Variants in MCF2L2 observed in about 807,000 individuals in gnomAD.
The protein encoded by MCF2L2 is probable guanine nucleotide exchange factor MCF2L2.
In MCF2L2, 102 loss-of-function variants were observed where a neutral mutation model predicts 150.2. The observed-to-expected ratio is 0.68, with a 90% CI of 0.58 to 0.80. The LOEUF (loss-of-function observed/expected upper bound fraction) is 0.80, where lower values mean the gene tolerates loss of function less well. Ranked by LOEUF, MCF2L2 falls within the 30% of genes least tolerant of loss-of-function variation. The pLI is 0.00. For synonymous variants in MCF2L2, 465 were observed against 491.3 expected, an observed-to-expected ratio of 0.95 and a Z score of 0.71; for missense variants, 1,256 against 1,372.8, an observed-to-expected ratio of 0.91 and a Z score of 1.34.
chr3:183,369,522 G>T (rs1228262826), intron 3 of MCF2L2, among the ~76,000 whole-genome samples: 1 of 152,124 alleles, frequency 6.6e-6, no homozygotes, highest in East Asian at 1.9e-4. Flanking sequence ...AAGCTCAATT[G>T]TGTGTGTGCA....
At chr3:183,289,810 T>G (rs1728019075) in intron 13 of MCF2L2, among the ~76,000 whole-genome samples, 1 of 152,192 alleles carries the variant, frequency 6.6e-6, no homozygotes, top group Middle Eastern at 3.2e-3. Flanking sequence ...GAGCTGAGAT[T>G]GCGCCACTGC....
intron 21 of MCF2L2, among the ~76,000 whole-genome samples, chr3:183,217,017 G>A (rs961845411): frequency 6.6e-5 from 10 of 151,546 alleles, no homozygotes; most frequent in Admixed American, 2.0e-4. Context: ...CCATATGGCC[G>A]GGCGGGTGGC....
At position 183,179,318 on chromosome 3, in the gene MCF2L2, C is replaced by G; in HGVS notation, c.*62G>C. ...TAGCTGGGCAGGGCCCGGGCCCCCA[C>G]ACCGCCTCTCCCGGGAATGCGGGCG... is the stretch of plus-strand genomic sequence containing the variant. On this transcript the variant is annotated 3_prime_UTR_variant, in exon 30 of 30. Coordinates refer to ENST00000328913, the MANE Select transcript of MCF2L2 (RefSeq NM_015078.4). The surrounding 1 kb of genome is among the most constrained non-coding windows in gnomAD (Gnocchi z 4.2). 1.4e-6 allele frequency: 2 copies of G among 1,383,776 alleles called. No individual in the cohort carries two copies. The allele number at this position is 1,383,776 out of a possible 1,614,324, so 85.7% of individuals were successfully genotyped here. A position where few individuals can be genotyped will look rare whatever the true frequency, so the allele number is the denominator to read the frequency against.
At chr3:183,401,040 G>A (rs1229087615) in intron 1 of MCF2L2, among the ~76,000 whole-genome samples, 3 of 152,080 alleles carry the variant, frequency 2.0e-5, no homozygotes, top group Non-Finnish European at 4.4e-5. Flanking sequence ...GATGTAGAGC[G>A]CCTCCTGAAC....
intron 22 of MCF2L2, among the ~76,000 whole-genome samples, chr3:183,212,929 G>A (rs963494482): frequency 2.2e-4 from 27 of 121,274 alleles, no homozygotes; most frequent in Non-Finnish European, 3.1e-4. Context: ...CCCGGCAACC[G>A]CCTGTAATAT....
chr3:183,379,774 G>A (rs1713409128), intron 2 of MCF2L2, among the ~76,000 whole-genome samples: 1 of 152,146 alleles, frequency 6.6e-6, no homozygotes, highest in Non-Finnish European at 1.5e-5. Context: ...GGTTAAGAGA[G>A]TTAACGCTAA....
Position 183,297,077 on chromosome 3 carries a change from T to C in MCF2L2, c.1396A>G (p.Asn466Asp). 5 of 1,614,172 alleles carry C rather than the reference T, an allele frequency of 3.1e-6. No individual in the cohort carries two copies. Among genetic ancestry groups the C allele is most frequent in the Non-Finnish European group, 4.2e-6 (5 of 1,180,008 alleles). The change falls in exon 12 of 30, where the codon AAC (asparagine) becomes GAC (aspartate). Residue 466 changes from asparagine to aspartate, a missense_variant. Asn to Asp is a conservative substitution (Grantham distance 23, BLOSUM62 1). Coordinates refer to ENST00000328913, the MANE Select transcript of MCF2L2 (RefSeq NM_015078.4). The stretch of plus-strand genomic sequence containing the variant: ...GTGCCCAGGAATGTCGCAATGTCGT[T>C]CAAGGCGATATCAACCCCTTCTCGA... ...QSREGVDIAL[N>D]DIATFLGTVK...
chr3:183,213,225 C>A (rs1188626902), intron 22 of MCF2L2, among the ~76,000 whole-genome samples: 2 of 148,692 alleles, frequency 1.3e-5, no homozygotes, highest in East Asian at 3.9e-4. Flanking sequence ...AATTTAAATG[C>A]ATCTCTAATA....
At chr3:183,330,650 G>A (rs1046476529) in intron 5 of MCF2L2, among the ~76,000 whole-genome samples, 7 of 152,062 alleles carry the variant, frequency 4.6e-5, no homozygotes, top group East Asian at 1.9e-4. Context: ...TTTACCTGAT[G>A]TAAATTTTCA....
chr3:183,195,192 T>C, intron 26 of MCF2L2, 30 bp downstream of exon 26: 2 of 1,560,412 alleles, frequency 1.3e-6, no homozygotes. Flanking sequence ...GCATTTGACA[T>C]GCCTTTAAAA....
At chr3:183,315,318 T>G (rs901102085) in intron 7 of MCF2L2, among the ~76,000 whole-genome samples, 1 of 152,304 alleles carries the variant, frequency 6.6e-6, no homozygotes, top group South Asian at 2.1e-4. Flanking sequence ...TCACTTAATA[T>G]TCTTAATCGA....
At chr3:183,353,612 G>A (rs1711598808) in intron 3 of MCF2L2, among the ~76,000 whole-genome samples, 1 of 152,072 alleles carries the variant, frequency 6.6e-6, no homozygotes, top group South Asian at 2.1e-4. Context: ...AGTGAGGGAG[G>A]AGGTGCCACA....
rs1324293340 is a variant in MCF2L2 at position 183,272,947 on chromosome 3, G to T, written c.1862+3925C>A. On this transcript the variant is annotated intron_variant, in intron 15 of 29. Coordinates refer to ENST00000328913, the MANE Select transcript of MCF2L2 (RefSeq NM_015078.4). Reference sequence around the variant, plus strand: ...ACTGTGTCCTTTTAATTTTTGCTTAGAATAGAATGGAACAAGTTTAAATTT... The same window carrying T: ...ACTGTGTCCTTTTAATTTTTGCTTATAATAGAATGGAACAAGTTTAAATTT... 2.1e-6 allele frequency: 3 copies of T among 1,431,218 alleles called. No individual in the cohort carries two copies. The African/African-American group carries it at 4.5e-5, about 21-fold the overall frequency. 88.7% of individuals were successfully genotyped at this position (1,431,218 alleles called of 1,614,324 possible). A position where few individuals can be genotyped will look rare whatever the true frequency, so the allele number is the denominator to read the frequency against.
intron 23 of MCF2L2, among the ~76,000 whole-genome samples, chr3:183,207,040 G>C (rs1722518901): frequency 6.6e-6 from 1 of 151,892 alleles, no homozygotes; most frequent in Admixed American, 6.6e-5. Context: ...GAAAACAAAG[G>C]CTACTATGAA....
At chr3:183,300,360 A>G (rs1314323504) in intron 10 of MCF2L2, among the ~76,000 whole-genome samples, 164 bp from the exon 11 acceptor site, 1 of 152,190 alleles carries the variant, frequency 6.6e-6, no homozygotes, top group Non-Finnish European at 1.5e-5. Flanking sequence ...CAGGCCCAGG[A>G]AGTTAAGCCT....
chr3:183,185,859 C>G (rs983638756), intron 27 of MCF2L2, among the ~76,000 whole-genome samples: 1 of 152,174 alleles, frequency 6.6e-6, no homozygotes, highest in African/African-American at 2.4e-5. Flanking sequence ...TTGAGAACAT[C>G]TAATTAATTG....
chr3:183,363,698 G>A (rs1424948197), intron 3 of MCF2L2, among the ~76,000 whole-genome samples: 10 of 152,176 alleles, frequency 6.6e-5, no homozygotes, highest in East Asian at 1.9e-4. Context: ...CCATGATTGC[G>A]CCACTTTTGA....
chr3:183,330,581 A>G (rs1730232342), intron 5 of MCF2L2, among the ~76,000 whole-genome samples: 1 of 152,140 alleles, frequency 6.6e-6, no homozygotes, highest in Non-Finnish European at 1.5e-5. Flanking sequence ...TATTGTGGTG[A>G]CTGGATAACA....
intron 22 of MCF2L2, among the ~76,000 whole-genome samples, chr3:183,212,783 C>G (rs1576926685): frequency 6.6e-6 from 1 of 152,084 alleles, no homozygotes; most frequent in East Asian, 1.9e-4. Context: ...TTACAATAGT[C>G]AGGGGCAAAG....
Sources: gnomAD v4.1 joint callset for allele counts (sites outside exome capture counted in the v4.1 genomes callset) on GRCh38, gnomAD v4.1.1 for gene constraint, Gnocchi (gnomAD v3.1) non-coding constraint, MANE v1.5 for transcripts, NCBI Gene and HGNC (gene_info 2026-07-23, HGNC 2026-07-21) for gene names.